The following MSRA variants were observed in gnomAD, a reference collection of about 807,000 sequenced individuals.
MSRA encodes mitochondrial peptide methionine sulfoxide reductase.
Under a neutral mutation model 31.3 loss-of-function variants are expected in MSRA, and 54 were observed. That is an observed-to-expected ratio of 1.73 (90% confidence interval 1.39 to 2.17). MSRA has a LOEUF of 2.17. MSRA is among the 30% of genes most tolerant of loss of function. The pLI, the probability that MSRA is intolerant of heterozygous loss-of-function variation, is 0.00. For synonymous variants in MSRA, 169 were observed against 116.5 expected (o/e 1.45, Z -2.90); for missense variants, 507 against 300.9 (o/e 1.69, Z -5.07).
At chr8:10,148,114 T>G (rs943473825) in intron 1 of MSRA, among the ~76,000 whole-genome samples, 3 of 152,144 alleles carry the variant, frequency 2.0e-5, no homozygotes, top group African/African-American at 7.2e-5. Flanking sequence ...AAAGGGCTCC[T>G]CTCGGCTCTG....
chr8:10,363,766 A>ACACACACACACACACACACACACACACG (rs1804997989), intron 5 of MSRA, among the ~76,000 whole-genome samples: 1 of 151,048 alleles, frequency 6.6e-6, no homozygotes, highest in Non-Finnish European at 1.5e-5. Flanking sequence ...ACACACACAC[A>ACACACACACACACACACACACACACACG]CACACACACA....
At chr8:10,118,764 C>T (rs1778351600) in intron 1 of MSRA, among the ~76,000 whole-genome samples, 1 of 152,210 alleles carries the variant, frequency 6.6e-6, no homozygotes, top group African/African-American at 2.4e-5. Context: ...AAAACCAGCT[C>T]CTCTGTTACC....
intron 4 of MSRA, among the ~76,000 whole-genome samples, chr8:10,308,117 C>T (rs1801237436): frequency 1.3e-5 from 2 of 152,176 alleles, no homozygotes; most frequent in Non-Finnish European, 2.9e-5. Context: ...GCCAGAGTCA[C>T]CATCCCAGGC....
At chr8:10,404,723 C>T (rs1807692314) in intron 5 of MSRA, among the ~76,000 whole-genome samples, 2 of 152,228 alleles carry the variant, frequency 1.3e-5, no homozygotes, top group African/African-American at 2.4e-5. Context: ...TGGCACCTGC[C>T]TGGGGTTTCA....
chr8:10,401,494 A>T (rs1049665704), intron 5 of MSRA, among the ~76,000 whole-genome samples: 2 of 152,218 alleles, frequency 1.3e-5, no homozygotes, highest in African/African-American at 4.8e-5. Flanking sequence ...CCACTGTGGA[A>T]ACAGTTAGAC....
At chr8:10,066,282 C>T (rs1008299235) in intron 1 of MSRA, among the ~76,000 whole-genome samples, 8 of 152,126 alleles carry the variant, frequency 5.3e-5, no homozygotes, top group Middle Eastern at 3.4e-3. Context: ...CCCCTCTGCC[C>T]GGCCAACTTT....
intron 1 of MSRA, among the ~76,000 whole-genome samples, chr8:10,065,014 C>T (rs891741155): frequency 1.3e-5 from 2 of 152,120 alleles, no homozygotes; most frequent in Non-Finnish European, 2.9e-5. Flanking sequence ...GTCACAGAGC[C>T]CCCGAGAAGG....
intron 5 of MSRA, among the ~76,000 whole-genome samples, chr8:10,331,227 G>T (rs574217561): frequency 3.3e-5 from 5 of 152,294 alleles, no homozygotes; most frequent in African/African-American, 1.2e-4. Flanking sequence ...ATGGCAGCCC[G>T]AGCTGACAAG....
At chr8:10,427,549 A>C (rs1809256863) in intron 5 of MSRA, among the ~76,000 whole-genome samples, 2 of 152,102 alleles carry the variant, frequency 1.3e-5, no homozygotes, top group African/African-American at 4.8e-5. Flanking sequence ...CCTGCTCACC[A>C]GGACGTGCCA....
intron 3 of MSRA, among the ~76,000 whole-genome samples, chr8:10,294,152 G>A (rs1304967395): frequency 6.6e-6 from 1 of 152,144 alleles, no homozygotes; most frequent in Non-Finnish European, 1.5e-5. Flanking sequence ...AGTGAACCGA[G>A]ATTGCACCAC....
At chr8:10,208,973 C>T (rs115543248) in intron 2 of MSRA, among the ~76,000 whole-genome samples, 20 of 152,298 alleles carry the variant, frequency 1.3e-4, no homozygotes, top group African/African-American at 4.3e-4. Flanking sequence ...AGAGATGGAA[C>T]CAGAATTAGG....
intron 1 of MSRA, among the ~76,000 whole-genome samples, chr8:10,119,048 G>A (rs1800903727): frequency 6.6e-6 from 1 of 152,140 alleles, no homozygotes; most frequent in Non-Finnish European, 1.5e-5. Flanking sequence ...CTGGGACGTG[G>A]AATCCCCTGT....
chr8:10,179,847 C>T (rs1351707195), intron 1 of MSRA, among the ~76,000 whole-genome samples: 11 of 152,202 alleles, frequency 7.2e-5, no homozygotes, highest in Non-Finnish European at 1.5e-4. Flanking sequence ...TGGTTTCCTA[C>T]ACCTCTCCCC....
intron 5 of MSRA, among the ~76,000 whole-genome samples, chr8:10,400,161 A>T (rs567750496): frequency 1.3e-5 from 2 of 152,202 alleles, no homozygotes; most frequent in East Asian, 3.9e-4. Context: ...ACAAAGTCAG[A>T]CTTGCATGTT....
chr8:10,427,622 G>T (rs375867566), intron 5 of MSRA, among the ~76,000 whole-genome samples: 40 of 152,278 alleles, frequency 2.6e-4, no homozygotes, highest in African/African-American at 8.7e-4. Flanking sequence ...CTGGGAGTGG[G>T]CTGGGGTCCT....
intron 5 of MSRA, among the ~76,000 whole-genome samples, chr8:10,328,444 T>C (rs535652102): frequency 4.6e-5 from 7 of 152,212 alleles, no homozygotes; most frequent in South Asian, 2.1e-4. Context: ...ACGTTCACTC[T>C]CATGATTTAA....
rs982432259 is a variant in MSRA, at chr8:10,288,274, A to G, written c.332-13260A>G. Among the ~76,000 whole-genome samples the G allele has an allele frequency of 4.6e-5, 7 of 152,098 alleles. No individual in the cohort carries two copies. The East Asian group carries it at 5.8e-4, about 13-fold the overall frequency. On this transcript the variant is annotated intron_variant, in intron 3 of 5. Transcript: ENST00000317173. ...TTAAATTTAATACCACAGATATACT[A>G]TATACCACTAGTTACTGTGGCCCTT...
intron 1 of MSRA, among the ~76,000 whole-genome samples, chr8:10,133,339 C>T (rs191788127): frequency 7.6e-4 from 116 of 152,226 alleles, no homozygotes; most frequent in African/African-American, 2.6e-3. Context: ...AGAGGACAGT[C>T]CGTGGGGTGC....
chr8:10,201,030 T>G (rs1201980518), intron 1 of MSRA, among the ~76,000 whole-genome samples: 2 of 152,106 alleles, frequency 1.3e-5, no homozygotes, highest in Admixed American at 6.5e-5. Flanking sequence ...CCTGACTGAC[T>G]TGTACCCTGA....
Sources: gnomAD v4.1 joint callset for allele counts (sites outside exome capture counted in the v4.1 genomes callset) on GRCh38, gnomAD v4.1.1 for gene constraint, MANE v1.5 for transcripts, NCBI Gene and HGNC (gene_info 2026-07-23, HGNC 2026-07-21) for gene names.